RERG: variants seen among roughly 807,000 people sequenced by gnomAD.
RERG encodes ras-related and estrogen-regulated growth inhibitor.
RERG carries 25 observed loss-of-function variants against 23.2 expected under a neutral mutation model. The observed-to-expected ratio is 1.08, with a 90% confidence interval of 0.79 to 1.50. The LOEUF (loss-of-function observed/expected upper bound fraction) is 1.50, where lower values mean the gene tolerates loss of function less well. Among genes scored for constraint, RERG ranks in the 40% most tolerant of loss-of-function variants. The probability of loss-of-function intolerance (pLI) is 0.00; values close to 1 mark genes in which losing one functional copy is unlikely to be tolerated. For synonymous variants in RERG, 81 were observed against 89.1 expected (o/e 0.91, Z 0.51); for missense variants, 253 against 250.1 (o/e 1.01, Z -0.08).
At chr12:15,110,463 C>CTTTTTTTTTTTTTTT (rs869218147) in intron 4 of RERG, among the ~76,000 whole-genome samples, 1,147 of 73,122 alleles carry the variant, frequency 0.016, 263 homozygotes, top group East Asian at 0.023. Context: ...CCATTTTTTT[C>CTTTTTTTTTTTTTTT]TTTTTTTTTT....
At chr12:15,149,872 C>G (rs1481777537) in intron 2 of RERG, among the ~76,000 whole-genome samples, 1 of 152,216 alleles carries the variant, frequency 6.6e-6, no homozygotes, top group Admixed American at 6.5e-5. Context: ...CCACCATCCT[C>G]GTTTCGTGAC....
intron 2 of RERG, among the ~76,000 whole-genome samples, chr12:15,215,554 G>C (rs1488381920): frequency 6.6e-6 from 1 of 152,138 alleles, no homozygotes; most frequent in African/African-American, 2.4e-5. Context: ...TCATTGTTTG[G>C]TAGTGACCTT....
chr12:15,125,315 AT>A (rs1221662819), intron 2 of RERG, among the ~76,000 whole-genome samples: 4 of 152,030 alleles, frequency 2.6e-5, no homozygotes, highest in Non-Finnish European at 4.4e-5. Context: ...TGTTATCTGA[AT>A]TATTTTTCCT....
intron 2 of RERG, among the ~76,000 whole-genome samples, chr12:15,149,620 G>A (rs1864404247): frequency 6.6e-6 from 1 of 152,160 alleles, no homozygotes. Context: ...AGACTTTAAT[G>A]AAAGGAATTC....
chr12:15,172,223 A>G (rs1864787217), intron 2 of RERG, among the ~76,000 whole-genome samples: 1 of 152,202 alleles, frequency 6.6e-6, no homozygotes, highest in Non-Finnish European at 1.5e-5. Flanking sequence ...TTAAAATGGT[A>G]TCATACAATA....
At chr12:15,144,565 G>C (rs562857569) in intron 2 of RERG, among the ~76,000 whole-genome samples, 1 of 152,286 alleles carries the variant, frequency 6.6e-6, no homozygotes, top group East Asian at 1.9e-4. Flanking sequence ...TTGATCACTT[G>C]TTTCAAATGT....
At chr12:15,198,486 T>C (rs1197486817) in intron 2 of RERG, among the ~76,000 whole-genome samples, 2 of 152,148 alleles carry the variant, frequency 1.3e-5, no homozygotes, top group Admixed American at 6.5e-5. Flanking sequence ...TCACTCTGTA[T>C]AGAATATGTT....
chr12:15,150,039 A>T (rs1158182884), intron 2 of RERG, among the ~76,000 whole-genome samples: 1 of 152,118 alleles, frequency 6.6e-6, no homozygotes, highest in Non-Finnish European at 1.5e-5. Flanking sequence ...TTGGTCTGTG[A>T]ACCCCCCTGA....
At chr12:15,200,992 C>T (rs1012996449) in intron 2 of RERG, among the ~76,000 whole-genome samples, 1 of 151,690 alleles carries the variant, frequency 6.6e-6, no homozygotes, top group Non-Finnish European at 1.5e-5. Context: ...GCCCTAAAAG[C>T]CAAATAAGAG....
At chr12:15,140,477 C>CAAAA (rs199787781) in intron 2 of RERG, among the ~76,000 whole-genome samples, 6,091 of 152,114 alleles carry the variant, frequency 0.04, 444 homozygotes, top group African/African-American at 0.14. Context: ...TTTTATTTTA[C>CAAAA]GTTATTTATT....
Position 15,134,934 on chromosome 12 carries a change from T to C in RERG, c.62-13815A>G, listed in dbSNP as rs191089855. Among the ~76,000 whole-genome samples, 12 of 152,260 alleles carry C rather than the reference T, an allele frequency of 7.9e-5. No individual in the cohort carries two copies. In the East Asian group the frequency reaches 2.1e-3, roughly 27 times the overall value. On this transcript the variant is annotated intron_variant, in intron 2 of 4. Transcript: ENST00000256953. ...CCTCCATATAAACTTTAGAATCAATTTGTTGATATCCACGATACAATTTGC... is the reference window on the plus strand; with the variant it reads ...CCTCCATATAAACTTTAGAATCAATCTGTTGATATCCACGATACAATTTGC...
intron 3 of RERG, among the ~76,000 whole-genome samples, chr12:15,118,162 C>A (rs1296949672): frequency 1.3e-5 from 2 of 152,068 alleles, no homozygotes; most frequent in Non-Finnish European, 2.9e-5. Context: ...CCCTTGCCTG[C>A]ATCCCTAATT....
intron 2 of RERG, among the ~76,000 whole-genome samples, chr12:15,173,034 A>G (rs973291780): frequency 1.3e-5 from 2 of 151,952 alleles, no homozygotes; most frequent in South Asian, 4.1e-4. Context: ...TTTTTGTGTT[A>G]TATCTATAAA....
At chr12:15,187,940 T>C (rs1174015542) in intron 2 of RERG, among the ~76,000 whole-genome samples, 1 of 152,124 alleles carries the variant, frequency 6.6e-6, no homozygotes, top group Admixed American at 6.5e-5. Flanking sequence ...CTCCCTTTTA[T>C]TATCAGGAAA....
At chr12:15,203,749 A>C (rs149942333) in intron 2 of RERG, among the ~76,000 whole-genome samples, 2 of 151,696 alleles carry the variant, frequency 1.3e-5, no homozygotes, top group Non-Finnish European at 3.0e-5. Flanking sequence ...ATCAACAAAC[A>C]AAAAACGATT....
In RERG at chr12:15,201,854, A is replaced by T. The variant is rs1591668623; in HGVS notation, c.61+15575T>A. Among the ~76,000 whole-genome samples the T allele has an allele frequency of 2.6e-5, 4 of 151,756 alleles. 1 individual carries two copies. Among genetic ancestry groups the T allele is most frequent in the Admixed American group, 2.6e-4 (4 of 15,210 alleles). On this transcript the variant is annotated intron_variant, in intron 2 of 4. Coordinates refer to ENST00000256953, the MANE Select transcript of RERG (RefSeq NM_032918.3). Reference sequence around the variant, plus strand: ...TCATCAGCATGTTACAGCAGAGGAGACTAGGGTTCACCAAAGTTAAATAAG... The same window carrying T: ...TCATCAGCATGTTACAGCAGAGGAGTCTAGGGTTCACCAAAGTTAAATAAG...
chr12:15,211,201 C>T (rs1865361003), intron 2 of RERG, among the ~76,000 whole-genome samples: 1 of 151,934 alleles, frequency 6.6e-6, no homozygotes, highest in African/African-American at 2.4e-5. Context: ...CCCATGTTCA[C>T]TGCAGAATTT....
At chr12:15,179,771 G>GA (rs952960395) in intron 2 of RERG, among the ~76,000 whole-genome samples, 10 of 150,576 alleles carry the variant, frequency 6.6e-5, no homozygotes, top group East Asian at 1.9e-4. Context: ...AATCAACAGA[G>GA]AAAAAAAAAG....
At chr12:15,114,385 A>G (rs954200954) in intron 3 of RERG, 1 of 152,200 alleles carries the variant, frequency 6.6e-6, no homozygotes, top group East Asian at 1.9e-4. Context: ...AATTTTAGAA[A>G]TTAAAAAGAT....
Sources: allele counts gnomAD v4.1 joint callset (sites outside exome capture counted in the v4.1 genomes callset), GRCh38; gene constraint gnomAD v4.1.1; transcripts MANE v1.5; gene names NCBI Gene and HGNC (gene_info 2026-07-23, HGNC 2026-07-21).